Variants in CELSR1 observed in about 807,000 individuals in gnomAD.
CELSR1 encodes the protein adhesion G protein-coupled receptor C1.
In CELSR1, 110 loss-of-function variants were observed where a neutral mutation model predicts 249.1. The observed-to-expected ratio is 0.44, with a 90% CI of 0.38 to 0.52. The LOEUF (loss-of-function observed/expected upper bound fraction) is 0.52, where lower values mean the gene tolerates loss of function less well. Ranked by LOEUF, CELSR1 falls within the 20% of genes least tolerant of loss-of-function variation. CELSR1 has a pLI of 0.00. For synonymous variants in CELSR1, 2,113 were observed against 1,900.0 expected, an observed-to-expected ratio of 1.11 and a Z score of -2.92; for missense variants, 4,109 against 4,296.4, an observed-to-expected ratio of 0.96 and a Z score of 1.22.
intron 1 of CELSR1, among the ~76,000 whole-genome samples, chr22:46,507,268 G>A (rs1047932728): frequency 2.0e-5 from 3 of 152,308 alleles, no homozygotes; most frequent in Middle Eastern, 3.4e-3. Flanking sequence ...AGAGAGCACA[G>A]AGGCCACAGG....
At chr22:46,424,135 T>C (rs2079511513) in intron 5 of CELSR1, among the ~76,000 whole-genome samples, 2 of 152,134 alleles carry the variant, frequency 1.3e-5, no homozygotes, top group African/African-American at 2.4e-5. Context: ...GGTACAATCA[T>C]GGCTTACAAC....
rs369091969 is a variant in CELSR1, at chr22:46,364,412, A to C, written c.8779+100T>G. 312 of 1,496,532 alleles carry C rather than the reference A, an allele frequency of 2.1e-4. No homozygotes were observed. The African/African-American group carries it at 3.8e-3, about 18-fold the overall frequency. The allele number at this position is 1,496,532 out of a possible 1,614,324, so 92.7% of individuals were successfully genotyped here. On this transcript the variant is annotated intron_variant, in intron 33 of 34. Coordinates refer to ENST00000674500, the MANE Select transcript of CELSR1 (RefSeq NM_001378328.1). The stretch of plus-strand genomic sequence containing the variant: ...CCACGTCTGTTCTGCCCAGGCCCTG[A>C]CTTGCCCCACCAGCCCCAGCCCCAC...
chr22:46,483,549 G>A (rs1046663416), intron 1 of CELSR1, among the ~76,000 whole-genome samples: 2 of 152,110 alleles, frequency 1.3e-5, no homozygotes, highest in African/African-American at 2.4e-5. Context: ...ACCTCTATGT[G>A]CTTTGGTTTC....
In CELSR1 at chr22:46,367,885, C is replaced by CA. The variant is rs764457697; in HGVS notation, c.7953-31dup. 5.7e-6 allele frequency: 9 copies of CA among 1,592,404 alleles called. No homozygotes were observed. In the African/African-American group the frequency reaches 1.1e-4, roughly 19 times the overall value. ...GGGAGGGCAGGATCAGGCCTGTGCC[C>CA]ATCGCCACCACCTGCTCCCTTCCTC... On this transcript the variant is annotated intron_variant, in intron 27 of 34. Transcript: ENST00000674500.
intron 1 of CELSR1, among the ~76,000 whole-genome samples, chr22:46,476,282 A>G (rs1658450742): frequency 6.6e-6 from 1 of 152,152 alleles, no homozygotes; most frequent in African/African-American, 2.4e-5. Flanking sequence ...CATTCATACA[A>G]TGGAATATTA....
intron 2 of CELSR1, among the ~76,000 whole-genome samples, chr22:46,456,602 G>A (rs1485316861): frequency 7.0e-6 from 1 of 143,534 alleles, no homozygotes. Flanking sequence ...GGCAGAGCTT[G>A]CAGTGAGCCG....
Position 46,396,482 on chromosome 22 carries a change from T to C in CELSR1, c.5843+123A>G, listed in dbSNP as rs2079148771. 9.8e-7 allele frequency: 1 copy of C among 1,017,070 alleles called. No homozygotes were observed. Among genetic ancestry groups the C allele is most frequent in the Non-Finnish European group, 1.3e-6 (1 of 774,256 alleles). The allele number at this position is 1,017,070 out of a possible 1,614,324, so 63.0% of individuals were successfully genotyped here. ...ATTCATGCCAAATTAAAAAAAAATA[T>C]GTCCCTGTTACCCAGAATCACACAT... On this transcript the variant is annotated intron_variant, in intron 13 of 34. Transcript: ENST00000674500. The surrounding 1 kb of genome is among the most constrained non-coding windows in gnomAD (Gnocchi z 6.4).
chr22:46,501,495 C>T (rs976868138), intron 1 of CELSR1, among the ~76,000 whole-genome samples: 1 of 152,056 alleles, frequency 6.6e-6, no homozygotes, highest in Non-Finnish European at 1.5e-5. Flanking sequence ...TGTGAGCCAC[C>T]GCGCCCTGCC....
At chr22:46,422,186 A>G (rs1411559216) in intron 5 of CELSR1, among the ~76,000 whole-genome samples, 7 of 151,834 alleles carry the variant, frequency 4.6e-5, no homozygotes, top group Non-Finnish European at 4.4e-5. Context: ...GCTCACTGCA[A>G]CCTCTACCTC....
In CELSR1 at chr22:46,441,919, C is replaced by T. The variant is rs1198468935; in HGVS notation, c.4184-2508G>A. Among the ~76,000 whole-genome samples, 1 of 152,158 alleles carries T rather than the reference C, an allele frequency of 6.6e-6. No individual in the cohort carries two copies. Among genetic ancestry groups the T allele is most frequent in the Non-Finnish European group, 1.5e-5 (1 of 68,032 alleles). ...ACCCCAGCACTTGGGGAGGCTGAGG[C>T]GGGTAGATTACCAGAGGTCGAGAGT... On this transcript the variant is annotated intron_variant, in intron 2 of 34. Transcript: ENST00000674500. This position sits in a 1 kb window ranked among gnomAD's most constrained non-coding sequence, Gnocchi z 6.1.
Position 46,534,621 on chromosome 22 carries a change from C to T in CELSR1, c.2550G>A (p.Leu850=). ...DSGTMYTMME[L]DYENQVAYTL... is the part of the protein sequence containing the mutation. ...TGTAGGCGACCTGGTTCTCATAGTC[C>T]AGCTCCATCATGGTGTACATGGTGC... The change falls in exon 1 of 35, where the codon CTG becomes CTA. Residue 850 remains leucine, a synonymous_variant. Transcript: ENST00000674500. The surrounding 1 kb of genome is among the most constrained non-coding windows in gnomAD (Gnocchi z 9.7). The T allele has an allele frequency of 6.2e-7, 1 of 1,613,888 alleles. No homozygotes were observed. The highest frequency in any genetic ancestry group is 1.1e-5 in the South Asian group (1 of 91,072).
Position 46,399,646 on chromosome 22 carries a change from A to T in CELSR1, c.5412+71T>A. ...GTCTCTGGTGGGTCCTGGCACGTCA[A>T]GGGGTCATTCTGTTTTTCCCTGGGC... On this transcript the variant is annotated intron_variant, in intron 10 of 34. Coordinates refer to ENST00000674500, the MANE Select transcript of CELSR1 (RefSeq NM_001378328.1). This position sits in a 1 kb window ranked among gnomAD's most constrained non-coding sequence, Gnocchi z 5.0. The T allele has an allele frequency of 6.7e-7, 1 of 1,503,268 alleles. No individual in the cohort carries two copies. Among genetic ancestry groups the T allele is most frequent in the Non-Finnish European group, 9.2e-7 (1 of 1,086,378 alleles). 93.1% of individuals were successfully genotyped at this position (1,503,268 alleles called of 1,614,324 possible).
intron 18 of CELSR1, among the ~76,000 whole-genome samples, chr22:46,388,015 G>A (rs62227002): frequency 0.015 from 2,348 of 152,224 alleles, 21 homozygotes; most frequent in Admixed American, 0.027. Context: ...ACTGGGTGGA[G>A]GCATGAGGCT....
rs957210535 is a variant in CELSR1, at chr22:46,484,316, C to T, written c.3545-19971G>A. Among the ~76,000 whole-genome samples the T allele has an allele frequency of 1.3e-5, 2 of 152,182 alleles. No individual in the cohort carries two copies. Among genetic ancestry groups the T allele is most frequent in the Non-Finnish European group, 2.9e-5 (2 of 68,038 alleles). ...CTGCAGGGGACAGAGTCCCTCCTTCCACCAGCCCAGCCCAGCCCATGGTGG... is the reference window on the plus strand; with the variant it reads ...CTGCAGGGGACAGAGTCCCTCCTTCTACCAGCCCAGCCCAGCCCATGGTGG... On this transcript the variant is annotated intron_variant, in intron 1 of 34. Coordinates refer to ENST00000674500, the MANE Select transcript of CELSR1 (RefSeq NM_001378328.1). The surrounding 1 kb of genome is among the most constrained non-coding windows in gnomAD (Gnocchi z 4.5).
intron 1 of CELSR1, among the ~76,000 whole-genome samples, chr22:46,499,891 A>G (rs2080449953): frequency 6.6e-6 from 1 of 151,816 alleles, no homozygotes; most frequent in Non-Finnish European, 1.5e-5. Context: ...CCTCTCCTAA[A>G]AGCCAGAACC....
Position 46,436,216 on chromosome 22 carries a change from G to C in CELSR1, c.4480C>G (p.Leu1494Val). Residue 1494 changes from leucine to valine, a missense_variant, in exon 4 of 35, where the codon CTG becomes GTG. By Grantham distance (32) the Leu-to-Val change is conservative. Transcript: ENST00000674500. The surrounding 1 kb of genome is among the most constrained non-coding windows in gnomAD (Gnocchi z 5.9). Reference sequence around the variant, plus strand: ...TGCACCTGCTCGTCCACGATCTCCAGGGCGATGAAGTCGTGCTTCTCATTG... The same window carrying C: ...TGCACCTGCTCGTCCACGATCTCCACGGCGATGAAGTCGTGCTTCTCATTG... ...RFNEKHDFIA[L>V]EIVDEQVQLT... The C allele has an allele frequency of 6.2e-7, 1 of 1,614,086 alleles. No individual in the cohort carries two copies. Among genetic ancestry groups the C allele is most frequent in the Non-Finnish European group, 8.5e-7 (1 of 1,179,994 alleles).
chr22:46,439,070 A>G (rs1177356941), intron 3 of CELSR1, 119 bp downstream of exon 3: 4 of 1,004,224 alleles, frequency 4.0e-6, no homozygotes, highest in Non-Finnish European at 6.0e-6. Context: ...GAGCTACTCA[A>G]CTATCAAAGG....
intron 1 of CELSR1, among the ~76,000 whole-genome samples, chr22:46,478,134 G>A (rs1451219666): frequency 2.6e-5 from 4 of 152,196 alleles, no homozygotes; most frequent in Admixed American, 6.5e-5. Flanking sequence ...CCAGGAGCCC[G>A]GGAAGCACCG....
intron 20 of CELSR1, among the ~76,000 whole-genome samples, chr22:46,383,614 T>A (rs989723893): frequency 3.9e-5 from 6 of 152,114 alleles, no homozygotes; most frequent in Admixed American, 3.9e-4. Context: ...GCAGCCTCCA[T>A]CTCCCGGACT....
Sources: gnomAD v4.1 joint callset for allele counts (sites outside exome capture counted in the v4.1 genomes callset) on GRCh38, gnomAD v4.1.1 for gene constraint, Gnocchi (gnomAD v3.1) non-coding constraint, MANE v1.5 for transcripts, NCBI Gene and HGNC (gene_info 2026-07-23, HGNC 2026-07-21) for gene names.